The following CABIN1 variants were observed in gnomAD, a reference collection of about 807,000 sequenced individuals.
CABIN1 encodes calcineurin-binding protein cabin-1.
In CABIN1, 133 loss-of-function variants were observed where a neutral mutation model predicts 227.7. That is an observed-to-expected ratio of 0.58 (90% CI 0.51 to 0.67). The LOEUF (loss-of-function observed/expected upper bound fraction) is 0.67. CABIN1 is among the 30% of genes least tolerant of loss of function. The pLI, the probability that CABIN1 is intolerant of heterozygous loss-of-function variation, is 0.00. For missense variants in CABIN1, 2,408 were observed against 2,852.5 expected, an observed-to-expected ratio of 0.84 and a Z score of 3.55; for synonymous variants, 1,086 against 1,155.1, an observed-to-expected ratio of 0.94 and a Z score of 1.21.
chr22:24,046,687 G>T (rs1319077811), intron 6 of CABIN1, among the ~76,000 whole-genome samples: 3 of 152,270 alleles, frequency 2.0e-5, no homozygotes, highest in Non-Finnish European at 4.4e-5. Flanking sequence ...GAGATTTATT[G>T]TAAGGAATTG....
chr22:24,112,530 G>T (rs557611030), intron 26 of CABIN1, among the ~76,000 whole-genome samples: 19 of 152,192 alleles, frequency 1.2e-4, no homozygotes, highest in Admixed American at 1.0e-3. Context: ...CCATGTTCTT[G>T]CCTTCTCCCT....
chr22:24,050,775 C>T (rs764136421), intron 7 of CABIN1, 50 bp from the exon 8 acceptor site: 1 of 1,610,990 alleles, frequency 6.2e-7, no homozygotes, highest in Non-Finnish European at 8.5e-7. Context: ...ATTTCAGCCT[C>T]AGTTTTAGTT....
chr22:24,130,186 T>C (rs2148115695), intron 28 of CABIN1, among the ~76,000 whole-genome samples: 1 of 152,270 alleles, frequency 6.6e-6, no homozygotes, highest in Non-Finnish European at 1.5e-5. Context: ...TCCATGGGCC[T>C]CCTCCCATTC....
intron 1 of CABIN1, among the ~76,000 whole-genome samples, chr22:24,015,230 C>G (rs1487384276): frequency 7.8e-6 from 1 of 128,230 alleles, no homozygotes; most frequent in Non-Finnish European, 1.6e-5. Flanking sequence ...TGCACCACTG[C>G]ACTCCAGCCT....
chr22:24,052,891 G>C (rs1289272832), intron 8 of CABIN1, among the ~76,000 whole-genome samples: 1 of 151,886 alleles, frequency 6.6e-6, no homozygotes, highest in Non-Finnish European at 1.5e-5. Context: ...AGCAAGGCAC[G>C]AGTAAGGGAA....
chr22:24,034,838 A>G (rs1322936593), intron 1 of CABIN1, among the ~76,000 whole-genome samples: 1 of 152,224 alleles, frequency 6.6e-6, no homozygotes, highest in Non-Finnish European at 1.5e-5. Context: ...AAACATAGGC[A>G]AAACATTTTG....
intron 28 of CABIN1, among the ~76,000 whole-genome samples, chr22:24,127,140 G>A (rs567917123): frequency 1.8e-4 from 27 of 152,308 alleles, no homozygotes; most frequent in Admixed American, 1.2e-3. Flanking sequence ...GCCTGTCAGA[G>A]GCCTAGCAGG....
intron 1 of CABIN1, among the ~76,000 whole-genome samples, chr22:24,013,042 T>A (rs2034945537): frequency 1.3e-5 from 2 of 151,570 alleles, no homozygotes; most frequent in Non-Finnish European, 2.9e-5. Flanking sequence ...ATTACAGGCG[T>A]CAGACACCGC....
intron 29 of CABIN1, among the ~76,000 whole-genome samples, chr22:24,148,088 G>T (rs1243919281): frequency 6.6e-6 from 1 of 152,186 alleles, no homozygotes; most frequent in East Asian, 1.9e-4. Flanking sequence ...GGGGGTTGCT[G>T]TTAGAAGTTT....
intron 28 of CABIN1, among the ~76,000 whole-genome samples, chr22:24,121,840 C>G (rs1364678236): frequency 6.6e-6 from 1 of 152,272 alleles, no homozygotes; most frequent in South Asian, 2.1e-4. Flanking sequence ...ATGCAGCCCC[C>G]TCCAGCTGTG....
intron 16 of CABIN1, among the ~76,000 whole-genome samples, chr22:24,068,732 A>G (rs2039873331): frequency 6.6e-6 from 1 of 152,200 alleles, no homozygotes; most frequent in Non-Finnish European, 1.5e-5. Flanking sequence ...TTGCTTTTAA[A>G]TTGCAGAGAG....
rs774508491 is a variant in CABIN1 at position 24,166,788 on chromosome 22, C to T, written c.5157C>T (p.Pro1719=). 15 of 1,612,878 alleles carry T rather than the reference C, an allele frequency of 9.3e-6. No individual in the cohort carries two copies. The highest frequency in any genetic ancestry group is 5.3e-5 in the African/African-American group (4 of 75,054). The change falls in exon 32 of 37, where the codon CCC becomes CCT. Residue 1719 remains proline, a synonymous_variant. Transcript: ENST00000263119. ...PPLADGSGPG[P]EPGGKVGLLN... Reference sequence around the variant, plus strand: ...TGGCTGATGGCTCAGGGCCAGGGCCCGAGCCAGGAGGCAAAGTGGGCCTCC... The same window carrying T: ...TGGCTGATGGCTCAGGGCCAGGGCCTGAGCCAGGAGGCAAAGTGGGCCTCC...
At chr22:24,065,983 G>A (rs1311939386) in intron 15 of CABIN1, among the ~76,000 whole-genome samples, 1 of 152,250 alleles carries the variant, frequency 6.6e-6, no homozygotes, top group African/African-American at 2.4e-5. Context: ...TGGCATCAGA[G>A]GGAGACCGTG....
intron 29 of CABIN1, among the ~76,000 whole-genome samples, chr22:24,150,232 G>C (rs544065201): frequency 2.0e-5 from 3 of 152,368 alleles, no homozygotes; most frequent in African/African-American, 7.2e-5. Context: ...CAGGTGCCCT[G>C]AGTGTACTAC....
intron 29 of CABIN1, among the ~76,000 whole-genome samples, chr22:24,143,401 G>A (rs117001360): frequency 0.02 from 3,101 of 152,322 alleles, 48 homozygotes; most frequent in Non-Finnish European, 0.029. Context: ...GTGGCATCAA[G>A]CAGGGATTCC....
At chr22:24,116,934 G>T (rs993014880) in intron 27 of CABIN1, among the ~76,000 whole-genome samples, 1 of 152,256 alleles carries the variant, frequency 6.6e-6, no homozygotes, top group Non-Finnish European at 1.5e-5. Flanking sequence ...GGCTAGAGCA[G>T]CCAGAACACA....
chr22:24,131,273 G>A (rs1357019519), intron 28 of CABIN1, among the ~76,000 whole-genome samples: 3 of 152,150 alleles, frequency 2.0e-5, no homozygotes, highest in South Asian at 2.1e-4. Flanking sequence ...GAGGTCTTCC[G>A]GACACTTTTC....
In CABIN1 at chr22:24,178,340, T is replaced by C; in HGVS notation, c.*144T>C. 1 of 1,003,978 alleles carries C rather than the reference T, an allele frequency of 1.0e-6. No homozygotes were observed. Among genetic ancestry groups the C allele is most frequent in the Non-Finnish European group, 1.5e-6 (1 of 682,138 alleles). The allele number at this position is 1,003,978 out of a possible 1,614,324, so 62.2% of individuals were successfully genotyped here. ...CAGGCCTGCCCAGCCCACCTCCTCA[T>C]GGCATCCTCCCTGTACCCAGGTCAG... On this transcript the variant is annotated 3_prime_UTR_variant, in exon 37 of 37. Coordinates refer to ENST00000263119, the MANE Select transcript of CABIN1 (RefSeq NM_012295.4).
rs1373184193 is a variant in CABIN1 at position 24,119,394 on chromosome 22, C to G, written c.4328C>G (p.Thr1443Arg). ...RGKNEESLES[T>R]EGFRAAEQGV... ...AAAAACGAGGAGTCATTGGAGAGTA[C>G]AGAAGGCTTCCGGGCTGCAGAGCAA... The change falls in exon 28 of 37, where the codon ACA becomes AGA. Residue 1443 changes from threonine to arginine, a missense_variant. This residue lies in a region of CABIN1 where 649 missense variants were observed against 910.3 expected (regional missense o/e 0.71). Transcript: ENST00000263119. 1 of 1,613,824 alleles carries G rather than the reference C, an allele frequency of 6.2e-7. No homozygotes were observed. Among genetic ancestry groups the G allele is most frequent in the Non-Finnish European group, 8.5e-7 (1 of 1,180,040 alleles).
Sources: allele counts gnomAD v4.1 joint callset (sites outside exome capture counted in the v4.1 genomes callset), GRCh38; gene constraint gnomAD v4.1.1; regional missense constraint gnomAD v4.1.1; transcripts MANE v1.5; gene names NCBI Gene and HGNC (gene_info 2026-07-23, HGNC 2026-07-21).